HNRNPR: variants seen among roughly 807,000 people sequenced by gnomAD.
HNRNPR encodes the protein heterogeneous nuclear ribonucleoprotein R.
HNRNPR carries 4 observed loss-of-function variants against 70.3 expected under a neutral mutation model. That is an observed-to-expected ratio of 0.06 (90% CI 0.03 to 0.13). HNRNPR has a LOEUF of 0.13. Ranked by LOEUF, HNRNPR falls within the 10% of genes least tolerant of loss-of-function variation. The probability of loss-of-function intolerance (pLI) is 1.00; values close to 1 mark genes in which losing one functional copy is unlikely to be tolerated. For missense variants in HNRNPR, 423 were observed against 788.5 expected (o/e 0.54, Z 5.55); for synonymous variants, 241 against 267.6 (o/e 0.90, Z 0.97).
intron 3 of HNRNPR, chr1:23,338,288 C>A: frequency 2.6e-6 from 1 of 390,806 alleles, no homozygotes; most frequent in South Asian, 8.1e-5. Context: ...TAACTTACTG[C>A]ACAAGGGGGT....
Position 23,310,679 on chromosome 1 carries a change from A to G in HNRNPR, c.1677T>C (p.Arg559=), listed in dbSNP as rs934365660. ...TGCCCCCACGATTGCCCCGAGATCC[A>G]CGGGAACCACGGCCTCTCTGCTGTT... is the stretch of plus-strand genomic sequence containing the variant. ...PAQQQRGRGS[R]GSRGNRGGNV... is the part of the protein sequence containing the mutation. The change falls in exon 11 of 11, where the codon CGT becomes CGC. Residue 559 remains arginine (R), a synonymous_variant. Transcript: ENST00000302271. The surrounding 1 kb of genome is among the most constrained non-coding windows in gnomAD (Gnocchi z 6.0). The G allele has an allele frequency of 1.9e-6, 3 of 1,612,956 alleles. No individual in the cohort carries two copies. The highest frequency in any genetic ancestry group is 2.7e-5 in the African/African-American group (2 of 74,678).
intron 2 of HNRNPR, among the ~76,000 whole-genome samples, chr1:23,338,894 TAA>T (rs1285955710): frequency 2.6e-5 from 4 of 152,180 alleles, no homozygotes; most frequent in Admixed American, 1.3e-4. Context: ...CCCAAAGGTA[TAA>T]GTCTTGAAAG....
chr1:23,319,241 T>TA (rs1452896317), intron 7 of HNRNPR, among the ~76,000 whole-genome samples: 5 of 152,188 alleles, frequency 3.3e-5, no homozygotes, highest in Non-Finnish European at 7.3e-5. Flanking sequence ...TATAAATACT[T>TA]AGATTTTTTT....
Position 23,309,155 on chromosome 1 carries a change from C to T in HNRNPR, c.*1299G>A, listed in dbSNP as rs998753928. The T allele has an allele frequency of 3.3e-5, 5 of 151,994 alleles. No individual in the cohort carries two copies. Among genetic ancestry groups the T allele is most frequent in the Admixed American group, 6.6e-5 (1 of 15,260 alleles). 9.4% of individuals were successfully genotyped at this position (151,994 alleles called of 1,614,324 possible). A position where few individuals can be genotyped will look rare whatever the true frequency, so the allele number is the denominator to read the frequency against. On this transcript the variant is annotated 3_prime_UTR_variant, in exon 11 of 11. Transcript: ENST00000302271. ...GGGATAGCAGATAAATAAAAATAAA[C>T]GAAGTGTTAACAGAAAGTCAAAGGT...
chr1:23,306,758 G>A lies in HNRNPR; in HGVS notation c.*3696C>T, dbSNP rs1645208562. On this transcript the variant is annotated 3_prime_UTR_variant, in exon 11 of 11. Coordinates refer to ENST00000302271, the MANE Select transcript of HNRNPR (RefSeq NM_005826.5). Reference sequence around the variant, plus strand: ...AATTGCTGACCAATACATTGTATATGCAATATTTTTAAAGCTTGGTGTTTG... The same window carrying A: ...AATTGCTGACCAATACATTGTATATACAATATTTTTAAAGCTTGGTGTTTG... The A allele has an allele frequency of 1.3e-5, 2 of 152,064 alleles. No homozygotes were observed. Among genetic ancestry groups the A allele is most frequent in the Admixed American group, 1.3e-4 (2 of 15,276 alleles). The allele number at this position is 152,064 out of a possible 1,614,324, so 9.4% of individuals were successfully genotyped here.
Position 23,310,601 on chromosome 1 carries a change from A to G in HNRNPR, c.1755T>C (p.Arg585=), listed in dbSNP as rs1162657063. The change falls in exon 11 of 11, where the codon CGT becomes CGC. Residue 585 remains arginine, a synonymous_variant. Coordinates refer to ENST00000302271, the MANE Select transcript of HNRNPR (RefSeq NM_005826.5). This position sits in a 1 kb window ranked among gnomAD's most constrained non-coding sequence, Gnocchi z 6.0. ...AGTTCTGTTGGTTGTTGGTCTGACG[A>G]CGCTTGGAATCAGGCTGGTTGTACC... ...ADGYNQPDSK[R]RQTNNQQNWG... is the part of the protein sequence containing the mutation. The G allele has an allele frequency of 4.3e-6, 7 of 1,614,142 alleles. No individual in the cohort carries two copies. The highest frequency in any genetic ancestry group is 2.5e-6 in the Non-Finnish European group (3 of 1,180,010).
intron 4 of HNRNPR, among the ~76,000 whole-genome samples, chr1:23,337,379 C>G (rs1646537113): frequency 6.6e-6 from 1 of 152,172 alleles, no homozygotes; most frequent in South Asian, 2.1e-4. Context: ...AAACTTTCAG[C>G]TGGGCGTGGT....
chr1:23,310,985 T>C lies in HNRNPR; in HGVS notation c.1371A>G (p.Gly457=). ...RGRGRGGGRG[G]YGYPPDYYGY... Reference sequence around the variant, plus strand: ...CGTAGTAATCTGGAGGGTAGCCATATCCACCTCTCCCCCCACCACGACCCC... The same window carrying C: ...CGTAGTAATCTGGAGGGTAGCCATACCCACCTCTCCCCCCACCACGACCCC... The change falls in exon 11 of 11, where the codon GGA becomes GGG. Residue 457 remains glycine, a synonymous_variant. Transcript: ENST00000302271. This position sits in a 1 kb window ranked among gnomAD's most constrained non-coding sequence, Gnocchi z 6.0. The C allele has an allele frequency of 3.7e-6, 6 of 1,613,962 alleles. No individual in the cohort carries two copies. The highest frequency in any genetic ancestry group is 5.1e-6 in the Non-Finnish European group (6 of 1,179,946).
intron 5 of HNRNPR, among the ~76,000 whole-genome samples, chr1:23,325,377 C>T (rs1460252421): frequency 1.3e-5 from 2 of 152,192 alleles, no homozygotes; most frequent in East Asian, 3.9e-4. Context: ...AACAGATGTA[C>T]TATCTAGAGA....
intron 8 of HNRNPR, among the ~76,000 whole-genome samples, chr1:23,317,318 T>C (rs2749162): frequency 0.31 from 46,786 of 151,726 alleles, 9,369 homozygotes; most frequent in African/African-American, 0.56. Flanking sequence ...ATTAGCCAGC[T>C]GTGGTGGCGG....
At chr1:23,317,712 C>T (rs553619977) in intron 8 of HNRNPR, among the ~76,000 whole-genome samples, 4 of 151,470 alleles carry the variant, frequency 2.6e-5, no homozygotes, top group East Asian at 3.9e-4. Context: ...AGGCGGGGCA[C>T]GGTGGCTCAT....
intron 3 of HNRNPR, 188 bp from the exon 4 acceptor site, chr1:23,338,049 C>T: frequency 2.0e-6 from 1 of 505,390 alleles, no homozygotes; most frequent in South Asian, 3.0e-5. Flanking sequence ...CAGTATAGAC[C>T]TCAGGGAGCT....
Position 23,323,634 on chromosome 1 carries a change from A to G in HNRNPR, c.597T>C (p.Asp199=), listed in dbSNP as rs1331788057. The G allele has an allele frequency of 1.2e-6, 2 of 1,614,122 alleles. No homozygotes were observed. The highest frequency in any genetic ancestry group is 1.7e-6 in the Non-Finnish European group (2 of 1,179,984). The change falls in exon 6 of 11, where the codon GAT becomes GAC. Residue 199 remains aspartate (D), a synonymous_variant. Transcript: ENST00000302271. Reference sequence around the variant, plus strand: ...ACCCTCTATTCTGACCGGACAGTGGATCCATCATAAGACGTAGATCCCAAA... The same window carrying G: ...ACCCTCTATTCTGACCGGACAGTGGGTCCATCATAAGACGTAGATCCCAAA... ...GPIWDLRLMM[D]PLSGQNRGYA... is the part of the protein sequence containing the mutation.
chr1:23,326,420 T>C (rs1645978451), intron 5 of HNRNPR, among the ~76,000 whole-genome samples: 1 of 152,204 alleles, frequency 6.6e-6, no homozygotes, highest in Non-Finnish European at 1.5e-5. Context: ...TAACCCTCTA[T>C]AATTGGCTTC....
intron 5 of HNRNPR, among the ~76,000 whole-genome samples, chr1:23,324,384 T>C (rs558301368): frequency 7.9e-5 from 12 of 151,924 alleles, no homozygotes; most frequent in African/African-American, 9.7e-5. Context: ...CTGGCTAACA[T>C]GGTGAAACCC....
chr1:23,314,236 T>C (rs1413987573), intron 8 of HNRNPR, among the ~76,000 whole-genome samples: 2 of 152,068 alleles, frequency 1.3e-5, no homozygotes, highest in East Asian at 1.9e-4. Context: ...TCCAAATAGA[T>C]TGAAAATTTA....
intron 5 of HNRNPR, among the ~76,000 whole-genome samples, chr1:23,324,179 TTAAAAATAAAAATGAA>T (rs1176037691): frequency 6.6e-6 from 1 of 151,430 alleles, no homozygotes; most frequent in African/African-American, 2.4e-5. Context: ...AATTTATAAA[TTAAAAATAAAAATGAA>T]TAAAAATAAA....
intron 4 of HNRNPR, among the ~76,000 whole-genome samples, chr1:23,336,637 C>G (rs1646500787): frequency 6.9e-6 from 1 of 144,828 alleles, no homozygotes; most frequent in Admixed American, 6.9e-5. Context: ...GTAGTCCCAG[C>G]TACTCAGGAG....
intron 4 of HNRNPR, among the ~76,000 whole-genome samples, chr1:23,336,117 A>C (rs1175973964): frequency 3.7e-5 from 1 of 26,928 alleles, no homozygotes; most frequent in East Asian, 9.2e-4. Flanking sequence ...ACTCCGTCTC[A>C]AAAAAAAAAA....
Sources: allele counts gnomAD v4.1 joint callset (sites outside exome capture counted in the v4.1 genomes callset), GRCh38; gene constraint gnomAD v4.1.1; non-coding constraint Gnocchi (gnomAD v3.1); transcripts MANE v1.5; gene names NCBI Gene and HGNC (gene_info 2026-07-23, HGNC 2026-07-21).